ZMAT5: variants seen among roughly 807,000 people sequenced by gnomAD.
ZMAT5 encodes the protein zinc finger matrin-type protein 5.
Under a neutral mutation model 28.0 loss-of-function variants are expected in ZMAT5, and 23 were observed. The ratio of observed to expected loss-of-function variants is 0.82; its 90% CI spans 0.59 to 1.16. ZMAT5 has a LOEUF of 1.16. Ranked by LOEUF, ZMAT5 falls within the 50% of genes most tolerant of loss-of-function variation. The pLI is 0.00. For missense variants in ZMAT5, 173 were observed against 212.7 expected (o/e 0.81, Z 1.16); for synonymous variants, 76 against 84.1 (o/e 0.90, Z 0.52).
chr22:29,733,979 G>A (rs2147214170), intron 5 of ZMAT5, among the ~76,000 whole-genome samples: 1 of 152,332 alleles, frequency 6.6e-6, no homozygotes, highest in Middle Eastern at 3.4e-3. Context: ...TGTTTGTCCT[G>A]TGCGTGAGGA....
chr22:29,744,191 C>T (rs16987987), intron 2 of ZMAT5, among the ~76,000 whole-genome samples: 6,867 of 152,172 alleles, frequency 0.045, 538 homozygotes, highest in African/African-American at 0.16. Flanking sequence ...CCAGCAGTGG[C>T]CTTAGCACCA....
At chr22:29,737,025 C>CAAAAA (rs1406580047) in intron 5 of ZMAT5, among the ~76,000 whole-genome samples, 4 of 73,936 alleles carry the variant, frequency 5.4e-5, no homozygotes, top group African/African-American at 4.6e-5. Context: ...GAATCCGTCT[C>CAAAAA]AAAAAAAAAA....
intron 2 of ZMAT5, chr22:29,747,293 C>T (rs540919918): frequency 6.6e-6 from 1 of 152,290 alleles, no homozygotes; most frequent in South Asian, 2.1e-4. Flanking sequence ...CAGTTTCAGG[C>T]CTTTTTTGAG....
At chr22:29,757,609 C>T (rs2068115392) in intron 1 of ZMAT5, among the ~76,000 whole-genome samples, 3 of 152,232 alleles carry the variant, frequency 2.0e-5, no homozygotes, top group Admixed American at 2.0e-4. Flanking sequence ...CCAGCAATCC[C>T]ACCTCCTGAT....
intron 3 of ZMAT5, among the ~76,000 whole-genome samples, chr22:29,741,414 C>T (rs771540136): frequency 1.1e-4 from 16 of 152,288 alleles, no homozygotes; most frequent in Admixed American, 2.6e-4. Context: ...ACCCAGTTTC[C>T]CTAGTTCAGC....
At chr22:29,750,099 T>C (rs1487696656) in intron 1 of ZMAT5, among the ~76,000 whole-genome samples, 1 of 152,200 alleles carries the variant, frequency 6.6e-6, no homozygotes, top group Non-Finnish European at 1.5e-5. Flanking sequence ...CAGGTTTGTG[T>C]TTTGTTTACT....
Position 29,744,337 on chromosome 22 carries a change from G to A in ZMAT5, c.128-1857C>T, listed in dbSNP as rs374725361. ...GGGGAAAACAGAGGTTCAGACAAGG[G>A]AAGTGATTTGCCAAGGGCAACTGGT... On this transcript the variant is annotated intron_variant, in intron 2 of 5. Transcript: ENST00000344318. 3.3e-3 allele frequency among the ~76,000 whole-genome samples: 450 copies of A among 135,676 alleles called. 2 individuals are homozygous for A. The highest frequency in any genetic ancestry group is 0.011 in the African/African-American group (430 of 37,788). The allele number at this position is 135,676 out of a possible 152,430, so 89.0% of individuals were successfully genotyped here.
intron 5 of ZMAT5, chr22:29,731,806 T>A (rs909681859): frequency 2.0e-5 from 3 of 153,004 alleles, no homozygotes; most frequent in South Asian, 2.1e-4. Context: ...TATAAATGCA[T>A]AAAAAAATCC....
At chr22:29,761,443 G>T (rs1200746707) in intron 1 of ZMAT5, among the ~76,000 whole-genome samples, 1 of 151,432 alleles carries the variant, frequency 6.6e-6, no homozygotes, top group Admixed American at 6.6e-5. Context: ...AGCCAGACAT[G>T]GTGGTGCGGG....
At chr22:29,741,370 G>C (rs2067961487) in intron 3 of ZMAT5, among the ~76,000 whole-genome samples, 2 of 152,152 alleles carry the variant, frequency 1.3e-5, no homozygotes, top group Non-Finnish European at 2.9e-5. Context: ...TGATCTGCAG[G>C]CTTGGTGCCC....
At chr22:29,736,183 G>A (rs1229458367) in intron 5 of ZMAT5, among the ~76,000 whole-genome samples, 3 of 152,174 alleles carry the variant, frequency 2.0e-5, no homozygotes, top group Admixed American at 1.3e-4. Flanking sequence ...TTTTGCACAC[G>A]GGCTGAAGGA....
intron 1 of ZMAT5, among the ~76,000 whole-genome samples, chr22:29,763,170 G>C (rs1394022496): frequency 6.6e-6 from 1 of 152,064 alleles, no homozygotes; most frequent in African/African-American, 2.4e-5. Context: ...GCAGGTGCCT[G>C]TAATCCCAGT....
At chr22:29,749,405 T>C (rs1027672168) in intron 1 of ZMAT5, among the ~76,000 whole-genome samples, 3 of 152,084 alleles carry the variant, frequency 2.0e-5, no homozygotes, top group African/African-American at 7.2e-5. Flanking sequence ...ATTTGCATCA[T>C]ATAGGCCACA....
intron 4 of ZMAT5, among the ~76,000 whole-genome samples, chr22:29,740,444 G>A (rs1008690645): frequency 6.6e-6 from 1 of 152,122 alleles, no homozygotes; most frequent in South Asian, 2.1e-4. Flanking sequence ...CCACTGTAAG[G>A]GGACACAGGC....
rs760645080 is a variant in ZMAT5 at position 29,731,266 on chromosome 22, G to A, written c.472C>T (p.Pro158Ser). ...ELPPSLRAPP[P>S]GGWPLQPRVQ... ...CTGGGCTGCAGAGGCCACCCCCCAG[G>A]TGGGGGTGCCCGCAGGGATGGAGGC... Residue 158 changes from proline to serine, a missense_variant, in exon 6 of 6, where the codon CCT (proline) becomes TCT (serine). Coordinates refer to ENST00000344318, the MANE Select transcript of ZMAT5 (RefSeq NM_001003692.2). The A allele has an allele frequency of 6.6e-7, 1 of 1,519,042 alleles. No individual in the cohort carries two copies. Among genetic ancestry groups the A allele is most frequent in the Non-Finnish European group, 8.7e-7 (1 of 1,146,828 alleles). The allele number at this position is 1,519,042 out of a possible 1,614,324, so 94.1% of individuals were successfully genotyped here. A position where few individuals can be genotyped will look rare whatever the true frequency, so the allele number is the denominator to read the frequency against.
intron 2 of ZMAT5, chr22:29,747,807 G>T: frequency 6.1e-6 from 1 of 163,710 alleles, no homozygotes; most frequent in Non-Finnish European, 1.4e-5. Flanking sequence ...TTCTGCAACT[G>T]GGTTATTCAC....
chr22:29,764,941 C>A (rs2068192683), intron 1 of ZMAT5, among the ~76,000 whole-genome samples: 2 of 152,158 alleles, frequency 1.3e-5, no homozygotes, highest in African/African-American at 4.8e-5. Flanking sequence ...AGCCCAGTCC[C>A]TGGTTTTGAA....
At chr22:29,759,508 C>A (rs1397007184) in intron 1 of ZMAT5, among the ~76,000 whole-genome samples, 1 of 152,160 alleles carries the variant, frequency 6.6e-6, no homozygotes, top group Non-Finnish European at 1.5e-5. Flanking sequence ...GTGACTCACA[C>A]CTGTAACCCC....
intron 2 of ZMAT5, among the ~76,000 whole-genome samples, chr22:29,745,809 T>A (rs2068004335): frequency 6.6e-6 from 1 of 152,204 alleles, no homozygotes; most frequent in South Asian, 2.1e-4. Flanking sequence ...AAAGCTGAAG[T>A]CGAGTTCATT....
Sources: gnomAD v4.1 joint callset for allele counts (sites outside exome capture counted in the v4.1 genomes callset) on GRCh38, gnomAD v4.1.1 for gene constraint, MANE v1.5 for transcripts, NCBI Gene and HGNC (gene_info 2026-07-23, HGNC 2026-07-21) for gene names.